ENTPD3: variants seen among roughly 807,000 people sequenced by gnomAD.
ENTPD3 encodes CD39 antigen-like 3.
ENTPD3 carries 60 observed loss-of-function variants against 51.2 expected under a neutral mutation model. That is an observed-to-expected ratio of 1.17 (90% confidence interval 0.95 to 1.45). The LOEUF is 1.45. ENTPD3 is among the 40% of genes most tolerant of loss of function. The pLI, the probability that ENTPD3 is intolerant of heterozygous loss-of-function variation, is 0.00. For synonymous variants in ENTPD3, 221 were observed against 238.4 expected (o/e 0.93, Z 0.67); for missense variants, 593 against 641.1 (o/e 0.93, Z 0.81).
At chr3:40,422,525 A>T (rs182213939) in intron 7 of ENTPD3, among the ~76,000 whole-genome samples, 1,502 of 101,728 alleles carry the variant, frequency 0.015, 35 homozygotes, top group African/African-American at 0.049. Context: ...ACCCCACAAC[A>T]GTCCCCAGAG....
chr3:40,403,166 A>G (rs577491429), intron 4 of ENTPD3, among the ~76,000 whole-genome samples: 13 of 152,250 alleles, frequency 8.5e-5, no homozygotes, highest in African/African-American at 2.9e-4. Context: ...CGGGAGACCA[A>G]GAGTCTTCTT....
chr3:40,421,890 T>C (rs1955881160), intron 7 of ENTPD3, among the ~76,000 whole-genome samples: 1 of 152,186 alleles, frequency 6.6e-6, no homozygotes, highest in Non-Finnish European at 1.5e-5. Context: ...ATAGTGATTG[T>C]TTCCAGAAAA....
At position 40,400,757 on chromosome 3, in the gene ENTPD3, A is replaced by T. The variant is rs1046456479; in HGVS notation, c.169-137A>T. On this transcript the variant is annotated intron_variant, in intron 3 of 10. Coordinates refer to ENST00000301825, the MANE Select transcript of ENTPD3 (RefSeq NM_001248.4). ...GAGACAAAATTGGTTTGGAGAAAAT[A>T]ATTTTTCTTATTGATTAGCCCTTCC... The T allele has an allele frequency of 6.3e-6, 4 of 638,452 alleles. No homozygotes were observed. The South Asian group carries it at 9.8e-5, about 16-fold the overall frequency. 39.5% of individuals were successfully genotyped at this position (638,452 alleles called of 1,614,324 possible).
rs768378190 is a variant in ENTPD3, at chr3:40,427,419, T to C, written c.1501T>C (p.Cys501Arg). 1.2e-6 allele frequency: 2 copies of C among 1,613,736 alleles called. No individual in the cohort carries two copies. Among genetic ancestry groups the C allele is most frequent in the Non-Finnish European group, 1.7e-6 (2 of 1,180,024 alleles). The change falls in exon 11 of 11, where the codon TGT becomes CGT. Residue 501 changes from cysteine (C) to arginine (R), a missense_variant. Physicochemically the swap from Cys to Arg is radical, Grantham distance 180. Coordinates refer to ENST00000301825, the MANE Select transcript of ENTPD3 (RefSeq NM_001248.4). ...LAFFTAAALL[C>R]LAFLAYLCSA... ...TTTCTTCACAGCGGCAGCCTTGCTG[T>C]GTCTGGCATTTCTTGCATACCTGTG...
rs1956010004 is a variant in ENTPD3 at position 40,427,583 on chromosome 3, T to G, written c.*75T>G. On this transcript the variant is annotated 3_prime_UTR_variant, in exon 11 of 11. Transcript: ENST00000301825. Reference sequence around the variant, plus strand: ...GTGGCACCAGGCAATGCAGGTGAAGTGGCTGCCTTCAGGAAATACAACTAA... The same window carrying G: ...GTGGCACCAGGCAATGCAGGTGAAGGGGCTGCCTTCAGGAAATACAACTAA... The G allele has an allele frequency of 8.9e-7, 1 of 1,120,132 alleles. No individual in the cohort carries two copies. Among genetic ancestry groups the G allele is most frequent in the East Asian group, 2.4e-5 (1 of 42,360 alleles). The allele number at this position is 1,120,132 out of a possible 1,614,324, so 69.4% of individuals were successfully genotyped here. A position where few individuals can be genotyped will look rare whatever the true frequency, so the allele number is the denominator to read the frequency against.
At chr3:40,412,082 C>T (rs2125602701) in intron 5 of ENTPD3, 120 bp downstream of exon 5, 2 of 997,574 alleles carry the variant, frequency 2.0e-6, no homozygotes, top group East Asian at 3.2e-5. Context: ...AAGAAGCCCA[C>T]ATTCTGCCAT....
chr3:40,417,585 A>G (rs1955775925), intron 7 of ENTPD3, among the ~76,000 whole-genome samples: 1 of 152,108 alleles, frequency 6.6e-6, no homozygotes, highest in Non-Finnish European at 1.5e-5. Flanking sequence ...CATGAGACAA[A>G]GCCAAACCAT....
In ENTPD3 at chr3:40,405,575, C is replaced by T. The variant is rs890805061; in HGVS notation, c.286+4564C>T. 1.8e-4 allele frequency among the ~76,000 whole-genome samples: 28 copies of T among 152,108 alleles called. 1 individual carries two copies. The highest frequency in any genetic ancestry group is 2.9e-4 in the Non-Finnish European group (20 of 68,000). ...AGGTGCGTGTCTTTGGCTTCTGTTT[C>T]CCCTCAAGTAAGTTTTGTGCCGTCT... On this transcript the variant is annotated intron_variant, in intron 4 of 10. Coordinates refer to ENST00000301825, the MANE Select transcript of ENTPD3 (RefSeq NM_001248.4).
chr3:40,400,779 T>G, intron 3 of ENTPD3, 115 bp from the exon 4 acceptor site: 1 of 716,460 alleles, frequency 1.4e-6, no homozygotes, highest in Non-Finnish European at 2.4e-6. Flanking sequence ...TGATTAGCCC[T>G]TCCCTAAGCG....
chr3:40,398,451 T>C (rs1454388048), intron 3 of ENTPD3, among the ~76,000 whole-genome samples: 1 of 152,128 alleles, frequency 6.6e-6, no homozygotes, highest in African/African-American at 2.4e-5. Context: ...ACCAAGAATA[T>C]AGAGGCCTGG....
Position 40,423,866 on chromosome 3 carries a change from G to A in ENTPD3, c.1256G>A (p.Arg419His), listed in dbSNP as rs144319630. ...CCCAAATTTGATGAGGTATATGCCC[G>A]CTCTTACTGCTTCTCAGCCAACTAC... Reference protein sequence around the residue: ...LLPKFDEVYARSYCFSANYIY... With the variant: ...LLPKFDEVYAHSYCFSANYIY... The change falls in exon 10 of 11, where the codon CGC becomes CAC. Residue 419 changes from arginine to histidine, a missense_variant. By Grantham distance (29) the Arg-to-His change is conservative (BLOSUM62 0). Coordinates refer to ENST00000301825, the MANE Select transcript of ENTPD3 (RefSeq NM_001248.4). 62 of 1,614,058 alleles carry A rather than the reference G, an allele frequency of 3.8e-5. No homozygotes were observed. The highest frequency in any genetic ancestry group is 3.3e-4 in the Middle Eastern group (2 of 6,062).
In ENTPD3 at chr3:40,428,605, ATTATT is replaced by A. The variant is rs1432808154; in HGVS notation, c.*1105_*1109del. On this transcript the variant is annotated 3_prime_UTR_variant, in exon 11 of 11. Transcript: ENST00000301825. ...TTAGCTGAATATGGAATAAAGAACT[ATTATT>A]TTATTTTGACTTGCAAGGGGTGTGT... 7.9e-5 allele frequency: 12 copies of A among 152,264 alleles called. No homozygotes were observed. Among genetic ancestry groups the A allele is most frequent in the Admixed American group, 1.3e-4 (2 of 15,300 alleles). 9.4% of individuals were successfully genotyped at this position (152,264 alleles called of 1,614,324 possible).
chr3:40,423,308 C>T lies in ENTPD3; in HGVS notation c.1122C>T (p.Tyr374=). Residue 374 remains tyrosine, a synonymous_variant, in exon 9 of 11, where the codon TAC becomes TAT. Transcript: ENST00000301825. ...ATTTCCAGGCTTTTGCAGGATTCTA[C>T]TACACAGCCAGTGCTTTAAATCTTT... ...KGPFVAFAGF[Y]YTASALNLSG... 1.2e-6 allele frequency: 2 copies of T among 1,613,758 alleles called. No individual in the cohort carries two copies. Among genetic ancestry groups the T allele is most frequent in the Non-Finnish European group, 1.7e-6 (2 of 1,179,706 alleles).
intron 3 of ENTPD3, among the ~76,000 whole-genome samples, chr3:40,395,928 A>T (rs542085487): frequency 6.6e-6 from 1 of 152,342 alleles, no homozygotes; most frequent in African/African-American, 2.4e-5. Flanking sequence ...GAAAGGGCAA[A>T]TAGCTTCCCA....
intron 5 of ENTPD3, 45 bp downstream of exon 5, chr3:40,412,007 C>G: frequency 6.5e-7 from 1 of 1,542,678 alleles, no homozygotes; most frequent in Non-Finnish European, 8.8e-7. Flanking sequence ...CCAAAATAAC[C>G]AAGAATATGT....
intron 4 of ENTPD3, among the ~76,000 whole-genome samples, chr3:40,408,622 T>C (rs1039414106): frequency 1.3e-5 from 2 of 152,220 alleles, no homozygotes; most frequent in Non-Finnish European, 2.9e-5. Context: ...CATAGGAATA[T>C]GCCTGAGAGC....
Position 40,427,515 on chromosome 3 carries a change from A to G in ENTPD3, c.*7A>G, listed in dbSNP as rs1447733349. The G allele has an allele frequency of 1.2e-6, 2 of 1,608,430 alleles. No individual in the cohort carries two copies. The highest frequency in any genetic ancestry group is 2.7e-5 in the African/African-American group (2 of 74,800). On this transcript the variant is annotated 3_prime_UTR_variant, in exon 11 of 11. Transcript: ENST00000301825. The stretch of plus-strand genomic sequence containing the variant: ...TGCAGTGGATTCTGACTGAGCCTTC[A>G]AAGCAGCTCCTGGAGTCCAATGGCT...
At chr3:40,409,242 A>G (rs943569968) in intron 4 of ENTPD3, among the ~76,000 whole-genome samples, 27 of 152,102 alleles carry the variant, frequency 1.8e-4, no homozygotes, top group Non-Finnish European at 3.7e-4. Context: ...ACAAGAGCAA[A>G]AACTCCGTCT....
chr3:40,423,421 G>C lies in ENTPD3; in HGVS notation c.1215+20G>C, dbSNP rs72863261. ...AGTCAGGTCAGTATTTAAAGAGAAG[G>C]GATCAATGTCAGTACAAAAAAATAT... On this transcript the variant is annotated intron_variant, in intron 9 of 10. Transcript: ENST00000301825. 8,942 of 1,510,754 alleles carry C rather than the reference G, an allele frequency of 5.9e-3. 479 individuals carry two copies. The African/African-American group carries it at 0.11, about 18-fold the overall frequency. The allele number at this position is 1,510,754 out of a possible 1,614,324, so 93.6% of individuals were successfully genotyped here. A position where few individuals can be genotyped will look rare whatever the true frequency, so the allele number is the denominator to read the frequency against.
Sources: gnomAD v4.1 joint callset for allele counts (sites outside exome capture counted in the v4.1 genomes callset) on GRCh38, gnomAD v4.1.1 for gene constraint, MANE v1.5 for transcripts, NCBI Gene and HGNC (gene_info 2026-07-23, HGNC 2026-07-21) for gene names.